Variants in ELOVL6 observed in about 807,000 individuals in gnomAD.
The protein encoded by ELOVL6 is ELOVL fatty acid elongase 6.
ELOVL6 carries 8 observed loss-of-function variants against 31.7 expected under a neutral mutation model. That is an observed-to-expected ratio of 0.25 (90% CI 0.15 to 0.45). The LOEUF (loss-of-function observed/expected upper bound fraction) is 0.45. Among genes scored for constraint, ELOVL6 ranks in the 20% least tolerant of loss-of-function variants. The probability of loss-of-function intolerance (pLI) is 1.00; values close to 1 mark genes in which losing one functional copy is unlikely to be tolerated. For missense variants in ELOVL6, 126 were observed against 326.4 expected, an observed-to-expected ratio of 0.39 and a Z score of 4.73; for synonymous variants, 101 against 117.7, an observed-to-expected ratio of 0.86 and a Z score of 0.92.
At chr4:110,183,243 A>G (rs1759343195) in intron 1 of ELOVL6, among the ~76,000 whole-genome samples, 1 of 152,028 alleles carries the variant, frequency 6.6e-6, no homozygotes, top group South Asian at 2.1e-4. Context: ...TAACCCAGAC[A>G]CTCTTTTCTA....
intron 3 of ELOVL6, among the ~76,000 whole-genome samples, chr4:110,054,494 A>T (rs891144366): frequency 1.8e-4 from 27 of 152,202 alleles, no homozygotes. Context: ...TATGTTTAAA[A>T]CAAGTTTAGT....
At chr4:110,061,547 G>A (rs866840591) in intron 2 of ELOVL6, among the ~76,000 whole-genome samples, 31 of 93,650 alleles carry the variant, frequency 3.3e-4, no homozygotes, top group African/African-American at 1.5e-3. Context: ...ACCAAATGAT[G>A]GCTTTTTTTT....
chr4:110,151,092 C>G (rs951651122), intron 1 of ELOVL6, among the ~76,000 whole-genome samples: 1 of 151,804 alleles, frequency 6.6e-6, no homozygotes, highest in African/African-American at 2.4e-5. Context: ...AAATTCTTAA[C>G]TGAATTTCAG....
intron 1 of ELOVL6, among the ~76,000 whole-genome samples, chr4:110,153,723 T>G (rs1056476303): frequency 1.3e-5 from 2 of 152,228 alleles, no homozygotes; most frequent in Non-Finnish European, 2.9e-5. Flanking sequence ...AAAACTGTTA[T>G]AATTTTTAAA....
chr4:110,111,566 T>C (rs1044016147), intron 1 of ELOVL6, among the ~76,000 whole-genome samples: 1 of 152,202 alleles, frequency 6.6e-6, no homozygotes, highest in East Asian at 1.9e-4. Context: ...CCTCTGCTAA[T>C]CTAGCTAGAA....
intron 2 of ELOVL6, among the ~76,000 whole-genome samples, chr4:110,064,975 T>C (rs1755255308): frequency 6.6e-6 from 1 of 152,158 alleles, no homozygotes; most frequent in Admixed American, 6.6e-5. Flanking sequence ...GACTGTTTCA[T>C]GTATTAAATC....
intron 1 of ELOVL6, among the ~76,000 whole-genome samples, chr4:110,163,785 T>G (rs552373056): frequency 1.3e-5 from 2 of 152,218 alleles, no homozygotes; most frequent in Non-Finnish European, 2.9e-5. Flanking sequence ...AGAAGAGAGA[T>G]ATTCCAGTGG....
chr4:110,198,131 T>C lies in ELOVL6; in HGVS notation c.89+116A>G, dbSNP rs187475253. On this transcript the variant is annotated intron_variant, in intron 1 of 3. Coordinates refer to ENST00000302274, the MANE Select transcript of ELOVL6 (RefSeq NM_024090.3). ...GAGACCCGAGAACTCAGCGATCAGC[T>C]GGCTGCCCGCGATTCATCGCTCCAT... is the stretch of plus-strand genomic sequence containing the variant. 275 of 541,020 alleles carry C rather than the reference T, an allele frequency of 5.1e-4. 1 individual carries two copies. The highest frequency in any genetic ancestry group is 1.7e-3 in the Admixed American group (85 of 49,352). 33.5% of individuals were successfully genotyped at this position (541,020 alleles called of 1,614,324 possible). A position where few individuals can be genotyped will look rare whatever the true frequency, so the allele number is the denominator to read the frequency against.
Position 110,080,514 on chromosome 4 carries a change from A to G in ELOVL6, c.222-20760T>C, listed in dbSNP as rs1392876876. Among the ~76,000 whole-genome samples the G allele has an allele frequency of 5.9e-5, 9 of 152,362 alleles. No individual in the cohort carries two copies. The South Asian group carries it at 1.7e-3, about 28-fold the overall frequency. On this transcript the variant is annotated intron_variant, in intron 2 of 3. Coordinates refer to ENST00000302274, the MANE Select transcript of ELOVL6 (RefSeq NM_024090.3). ...ACCACATGATTATCTCAATAGATGC[A>G]GAAAAGGCCTTTGACAAAATTCAAC...
intron 1 of ELOVL6, among the ~76,000 whole-genome samples, chr4:110,118,832 T>C (rs1187126948): frequency 1.3e-5 from 2 of 152,178 alleles, no homozygotes; most frequent in Non-Finnish European, 2.9e-5. Context: ...TTTGAAAGGA[T>C]GTGGTGGGCA....
chr4:110,181,137 C>CA (rs372790654), intron 1 of ELOVL6, among the ~76,000 whole-genome samples: 5,987 of 140,084 alleles, frequency 0.043, 145 homozygotes, highest in Middle Eastern at 0.1. Flanking sequence ...GACCCAGTCT[C>CA]AAAAAAAAAA....
At chr4:110,160,728 A>G (rs931421956) in intron 1 of ELOVL6, among the ~76,000 whole-genome samples, 1 of 152,254 alleles carries the variant, frequency 6.6e-6, no homozygotes, top group African/African-American at 2.4e-5. Flanking sequence ...TTAATTACAA[A>G]GGGAAATTAA....
chr4:110,188,234 A>C (rs1219014717), intron 1 of ELOVL6, among the ~76,000 whole-genome samples: 1 of 152,218 alleles, frequency 6.6e-6, no homozygotes, highest in Non-Finnish European at 1.5e-5. Flanking sequence ...TAAATATTTC[A>C]TAGGCCAAAG....
rs372256032 is a variant in ELOVL6 at position 110,151,410 on chromosome 4, T to C, written c.90-45782A>G. Among the ~76,000 whole-genome samples, 144 of 152,316 alleles carry C rather than the reference T, an allele frequency of 9.5e-4. 4 individuals carry two copies. In the South Asian group the frequency reaches 0.028, roughly 30 times the overall value. On this transcript the variant is annotated intron_variant, in intron 1 of 3. Coordinates refer to ENST00000302274, the MANE Select transcript of ELOVL6 (RefSeq NM_024090.3). ...TTGTCTGGACCTACAACTTGAGGTC[T>C]GGTGTGGAATTTTCCACTTTTGGTG...
At chr4:110,181,202 T>A (rs1436714589) in intron 1 of ELOVL6, among the ~76,000 whole-genome samples, 1 of 151,354 alleles carries the variant, frequency 6.6e-6, no homozygotes, top group Non-Finnish European at 1.5e-5. Flanking sequence ...ATCCCAACAC[T>A]CTGAGAGGCT....
chr4:110,055,980 G>C (rs12500716), intron 3 of ELOVL6, among the ~76,000 whole-genome samples: 1 of 152,066 alleles, frequency 6.6e-6, no homozygotes, highest in Non-Finnish European at 1.5e-5. Flanking sequence ...TTAGTGAAGG[G>C]GGAGTTAGTG....
At chr4:110,061,047 T>C (rs891417872) in intron 2 of ELOVL6, among the ~76,000 whole-genome samples, 5 of 152,220 alleles carry the variant, frequency 3.3e-5, no homozygotes, top group African/African-American at 1.2e-4. Flanking sequence ...GTAGCTTCTC[T>C]AAAGGTATAA....
intron 1 of ELOVL6, among the ~76,000 whole-genome samples, chr4:110,114,412 T>C (rs1305772498): frequency 6.6e-6 from 1 of 152,170 alleles, no homozygotes; most frequent in Non-Finnish European, 1.5e-5. Flanking sequence ...ATCTCAAGAT[T>C]GGAACAGACC....
intron 1 of ELOVL6, among the ~76,000 whole-genome samples, chr4:110,118,729 G>A (rs996588324): frequency 7.2e-5 from 11 of 152,220 alleles, no homozygotes; most frequent in South Asian, 2.1e-4. Context: ...TTCAAAGTCC[G>A]AAAATTTGAT....
Sources: gnomAD v4.1 joint callset for allele counts (sites outside exome capture counted in the v4.1 genomes callset) on GRCh38, gnomAD v4.1.1 for gene constraint, MANE v1.5 for transcripts, NCBI Gene and HGNC (gene_info 2026-07-23, HGNC 2026-07-21) for gene names.